The following ADGRA3 variants were observed in gnomAD, a reference collection of about 807,000 sequenced individuals.
ADGRA3 encodes G-protein coupled receptor 125.
ADGRA3 carries 56 observed loss-of-function variants against 119.8 expected under a neutral mutation model. That is an observed-to-expected ratio of 0.47 (90% CI 0.38 to 0.58). The LOEUF is 0.58. Ranked by LOEUF, ADGRA3 falls within the 20% of genes least tolerant of loss-of-function variation. The probability of loss-of-function intolerance (pLI) is 0.00; values close to 1 mark genes in which losing one functional copy is unlikely to be tolerated. For synonymous variants in ADGRA3, 607 were observed against 623.8 expected (o/e 0.97, Z 0.40); for missense variants, 1,516 against 1,649.0 (o/e 0.92, Z 1.40).
At chr4:22,450,580 T>A (rs1717000600) in intron 4 of ADGRA3, among the ~76,000 whole-genome samples, 1 of 152,174 alleles carries the variant, frequency 6.6e-6, no homozygotes. Context: ...TGTTTCTTAC[T>A]CTCACTTAAT....
intron 15 of ADGRA3, 75 bp from the exon 16 acceptor site, chr4:22,401,629 C>T: frequency 9.0e-7 from 1 of 1,116,044 alleles, no homozygotes; most frequent in African/African-American, 1.6e-5. Flanking sequence ...CATCTTAATT[C>T]CAACTTCATC....
chr4:22,476,903 A>G (rs370247499), intron 1 of ADGRA3, among the ~76,000 whole-genome samples: 1 of 152,122 alleles, frequency 6.6e-6, no homozygotes, highest in African/African-American at 2.4e-5. Flanking sequence ...CTGACCTCAG[A>G]TGATCCGCCC....
At chr4:22,406,342 A>C (rs1714925035) in intron 14 of ADGRA3, among the ~76,000 whole-genome samples, 1 of 152,230 alleles carries the variant, frequency 6.6e-6, no homozygotes, top group South Asian at 2.1e-4. Flanking sequence ...TATACTCAGC[A>C]GTGAAATTGC....
intron 1 of ADGRA3, among the ~76,000 whole-genome samples, chr4:22,483,889 T>C (rs752590692): frequency 1.3e-4 from 20 of 152,202 alleles, no homozygotes; most frequent in Non-Finnish European, 2.6e-4. Flanking sequence ...GATTCATTCA[T>C]GTGTCATAGA....
chr4:22,458,593 T>A (rs1455827745), intron 3 of ADGRA3, among the ~76,000 whole-genome samples: 3 of 152,204 alleles, frequency 2.0e-5, no homozygotes, highest in Non-Finnish European at 4.4e-5. Context: ...CTTCATGAAT[T>A]TTTGTTGAAC....
intron 1 of ADGRA3, among the ~76,000 whole-genome samples, chr4:22,499,901 A>G (rs1718989562): frequency 1.3e-5 from 2 of 152,182 alleles, no homozygotes. Context: ...CCCTCATTCT[A>G]AATGTCTGGG....
chr4:22,457,922 C>G (rs1717298642), intron 3 of ADGRA3, among the ~76,000 whole-genome samples: 1 of 152,086 alleles, frequency 6.6e-6, no homozygotes, highest in Non-Finnish European at 1.5e-5. Context: ...AACTATATCT[C>G]AGCATAGAGA....
intron 2 of ADGRA3, among the ~76,000 whole-genome samples, chr4:22,472,013 T>C (rs958206649): frequency 2.0e-5 from 3 of 152,182 alleles, no homozygotes; most frequent in Admixed American, 2.0e-4. Context: ...ATGCTGTCTA[T>C]ACTTTTTATG....
At chr4:22,477,383 T>G (rs1346879999) in intron 1 of ADGRA3, among the ~76,000 whole-genome samples, 1 of 152,112 alleles carries the variant, frequency 6.6e-6, no homozygotes. Flanking sequence ...AAAATTAGAG[T>G]GATTATCGAG....
intron 5 of ADGRA3, 48 bp downstream of exon 5, chr4:22,447,392 A>G (rs750420255): frequency 1.5e-5 from 17 of 1,119,026 alleles, no homozygotes; most frequent in Non-Finnish European, 2.1e-5. Flanking sequence ...AATTTTCAAA[A>G]AGACATGAAA....
At chr4:22,496,008 G>T (rs925684562) in intron 1 of ADGRA3, among the ~76,000 whole-genome samples, 1 of 151,912 alleles carries the variant, frequency 6.6e-6, no homozygotes, top group Non-Finnish European at 1.5e-5. Flanking sequence ...TTTAGGCAAT[G>T]ATACCAACAG....
chr4:22,450,385 C>T (rs1420923698), intron 4 of ADGRA3, among the ~76,000 whole-genome samples: 1 of 151,928 alleles, frequency 6.6e-6, no homozygotes, highest in Non-Finnish European at 1.5e-5. Context: ...CATGCCTCAG[C>T]CTCCGGAGTA....
At position 22,504,954 on chromosome 4, in the gene ADGRA3, C is replaced by T. The variant is rs533654262; in HGVS notation, c.257+10574G>A. Among the ~76,000 whole-genome samples, 15 of 152,222 alleles carry T rather than the reference C, an allele frequency of 9.9e-5. 1 individual carries two copies. The highest frequency in any genetic ancestry group is 3.9e-4 in the East Asian group (2 of 5,160). On this transcript the variant is annotated intron_variant, in intron 1 of 18. Transcript: ENST00000334304. ...TTTTAATGCTTTCTGTTGATTCAAA[C>T]GCAAGGTTGAAAACCTCAACCGCAA... is the stretch of plus-strand genomic sequence containing the variant.
At chr4:22,457,205 G>T (rs996213184) in intron 3 of ADGRA3, among the ~76,000 whole-genome samples, 1 of 152,122 alleles carries the variant, frequency 6.6e-6, no homozygotes, top group Non-Finnish European at 1.5e-5. Flanking sequence ...GAAACTGATG[G>T]ATCTAGGGTT....
In ADGRA3 at chr4:22,403,675, A is replaced by G. The variant is rs182773932; in HGVS notation, c.2233-876T>C. ...GAGGATCACTTGAGTCCAGGAGGTCAAGGCTGCAGTTAGCTAAGATAGCAC... is the reference window on the plus strand; with the variant it reads ...GAGGATCACTTGAGTCCAGGAGGTCGAGGCTGCAGTTAGCTAAGATAGCAC... On this transcript the variant is annotated intron_variant, in intron 14 of 18. Coordinates refer to ENST00000334304, the MANE Select transcript of ADGRA3 (RefSeq NM_145290.4). Among the ~76,000 whole-genome samples the G allele has an allele frequency of 3.0e-3, 453 of 152,184 alleles. 2 individuals carry two copies. The highest frequency in any genetic ancestry group is 0.01 in the African/African-American group (426 of 41,510).
chr4:22,495,170 C>T (rs1718767688), intron 1 of ADGRA3, among the ~76,000 whole-genome samples: 2 of 151,978 alleles, frequency 1.3e-5, no homozygotes, highest in African/African-American at 4.8e-5. Flanking sequence ...GACTAACAGG[C>T]AGGTAGCAGA....
chr4:22,470,778 A>G (rs931357266), intron 2 of ADGRA3, among the ~76,000 whole-genome samples: 1 of 152,208 alleles, frequency 6.6e-6, no homozygotes, highest in Non-Finnish European at 1.5e-5. Flanking sequence ...CCCAGAATGC[A>G]CCAGCAGAAA....
At chr4:22,393,791 C>T (rs1041202080) in intron 16 of ADGRA3, 2 of 152,096 alleles carry the variant, frequency 1.3e-5, no homozygotes, top group Admixed American at 6.6e-5. Flanking sequence ...TAACTTTCCT[C>T]AATTTAATAG....
At chr4:22,488,095 T>C (rs1354696060) in intron 1 of ADGRA3, among the ~76,000 whole-genome samples, 1 of 152,152 alleles carries the variant, frequency 6.6e-6, no homozygotes, top group East Asian at 1.9e-4. Context: ...ATAATGGTGC[T>C]GATCTGTTTA....
Sources: gnomAD v4.1 joint callset for allele counts (sites outside exome capture counted in the v4.1 genomes callset) on GRCh38, gnomAD v4.1.1 for gene constraint, MANE v1.5 for transcripts, NCBI Gene and HGNC (gene_info 2026-07-23, HGNC 2026-07-21) for gene names.